The following BRD4 variants were observed in gnomAD, a reference collection of about 807,000 sequenced individuals.
The protein encoded by BRD4 is bromodomain-containing protein 4.
A neutral mutation model predicts 142.1 loss-of-function variants in BRD4; 16 were observed. The ratio of observed to expected loss-of-function variants is 0.11; its 90% CI spans 0.08 to 0.17. The LOEUF (loss-of-function observed/expected upper bound fraction) is 0.17. Among genes scored for constraint, BRD4 ranks in the 10% least tolerant of loss-of-function variants. BRD4 has a pLI of 1.00. For missense variants in BRD4, 1,424 were observed against 1,810.9 expected, an observed-to-expected ratio of 0.79 and a Z score of 3.88; for synonymous variants, 833 against 707.5, an observed-to-expected ratio of 1.18 and a Z score of -2.82.
chr19:15,325,052 C>T (rs2048095474), intron 1 of BRD4, among the ~76,000 whole-genome samples: 1 of 152,146 alleles, frequency 6.6e-6, no homozygotes, highest in South Asian at 2.1e-4. Flanking sequence ...TCTACTCTGA[C>T]CCCTGGCTTC....
chr19:15,238,153 C>T lies in BRD4; in HGVS notation c.*224G>A, dbSNP rs1276561693. 1 of 636,518 alleles carries T rather than the reference C, an allele frequency of 1.6e-6. No homozygotes were observed. Among genetic ancestry groups the T allele is most frequent in the Admixed American group, 3.1e-5 (1 of 32,170 alleles). The allele number at this position is 636,518 out of a possible 1,614,324, so 39.4% of individuals were successfully genotyped here. A position where few individuals can be genotyped will look rare whatever the true frequency, so the allele number is the denominator to read the frequency against. ...AACAAGGCGTGTGCTGAGCGGACGT[C>T]CTGTGAGGGGTGGTGGGTGGCGGGA... On this transcript the variant is annotated 3_prime_UTR_variant, in exon 20 of 20. Transcript: ENST00000679869. This position sits in a 1 kb window ranked among gnomAD's most constrained non-coding sequence, Gnocchi z 7.2.
chr19:15,274,784 C>T (rs2047627967), intron 1 of BRD4, among the ~76,000 whole-genome samples: 1 of 152,206 alleles, frequency 6.6e-6, no homozygotes, highest in African/African-American at 2.4e-5. Context: ...GACAAAAACT[C>T]ATGTGTGCTC....
Position 15,239,247 on chromosome 19 carries a change from G to A in BRD4, c.3594C>T (p.Asn1198=), listed in dbSNP as rs945737822. The A allele has an allele frequency of 2.5e-6, 4 of 1,613,104 alleles. No individual in the cohort carries two copies. The highest frequency in any genetic ancestry group is 2.7e-5 in the African/African-American group (2 of 74,918). The change falls in exon 18 of 20, where the codon AAC becomes AAT. Residue 1198 remains asparagine, a synonymous_variant. Transcript: ENST00000679869. This position sits in a 1 kb window ranked among gnomAD's most constrained non-coding sequence, Gnocchi z 7.4. ...VAPKKDLKIK[N]MGSWASLVQK... is the part of the protein sequence containing the mutation. ...GCACTAGGCTGGCCCAGGAGCCCAT[G>A]TTCTTGATTTTCAGGTCCTGCAGAA...
intron 13 of BRD4, 110 bp from the exon 14 acceptor site, chr19:15,243,597 C>A: frequency 1.4e-6 from 2 of 1,401,576 alleles, no homozygotes; most frequent in Non-Finnish European, 1.9e-6. Context: ...CTACTGGCCT[C>A]CCTCAAACTG....
intron 1 of BRD4, among the ~76,000 whole-genome samples, chr19:15,314,453 G>A (rs2047999567): frequency 6.6e-6 from 1 of 152,128 alleles, no homozygotes; most frequent in Non-Finnish European, 1.5e-5. Flanking sequence ...TTACTACACA[G>A]GGGCCTGGCT....
At chr19:15,296,144 C>T (rs763704162) in intron 1 of BRD4, among the ~76,000 whole-genome samples, 69 of 151,710 alleles carry the variant, frequency 4.5e-4, no homozygotes, top group Non-Finnish European at 7.7e-4. Context: ...GTCCCAGCTA[C>T]TCAGGAGGCT....
chr19:15,269,078 G>A (rs2047561343), intron 2 of BRD4, 36 bp from the exon 3 acceptor site: 2 of 1,610,760 alleles, frequency 1.2e-6, no homozygotes, highest in Non-Finnish European at 1.7e-6. Flanking sequence ...GTGTCACCTA[G>A]GCAGCCAGGC....
At position 15,297,297 on chromosome 19, in the gene BRD4, G is replaced by A. The variant is rs529857856; in HGVS notation, c.-34-24164C>T. The stretch of plus-strand genomic sequence containing the variant: ...CGTTGACCAGGCTGCACAGACTGCA[G>A]AGCCTTCCAAGCTGCTCCTTCTGCA... On this transcript the variant is annotated intron_variant, in intron 1 of 19. Transcript: ENST00000679869. Among the ~76,000 whole-genome samples the A allele has an allele frequency of 3.0e-4, 45 of 152,284 alleles. No individual in the cohort carries two copies. The East Asian group carries it at 7.7e-3, about 26-fold the overall frequency.
intron 1 of BRD4, among the ~76,000 whole-genome samples, chr19:15,288,737 T>C (rs2047759064): frequency 6.6e-6 from 1 of 152,206 alleles, no homozygotes; most frequent in Non-Finnish European, 1.5e-5. Flanking sequence ...CACTAAGCCG[T>C]GGCGGGTGCC....
intron 7 of BRD4, among the ~76,000 whole-genome samples, chr19:15,257,590 G>C (rs974186474): frequency 2.6e-5 from 4 of 152,134 alleles, no homozygotes; most frequent in African/African-American, 4.8e-5. Flanking sequence ...TCTGTGGTTT[G>C]AGAGGGCATT....
At chr19:15,248,890 G>A in intron 11 of BRD4, 1 of 339,534 alleles carries the variant, frequency 2.9e-6, no homozygotes, top group East Asian at 4.6e-5. Context: ...AGAGGGATGG[G>A]ACAAAGAGAG....
chr19:15,243,508 G>C, intron 13 of BRD4, 21 bp from the exon 14 acceptor site: 1 of 1,538,338 alleles, frequency 6.5e-7, no homozygotes. Context: ...ACAACACCGA[G>C]GCGGTGAGGC....
chr19:15,321,395 G>A (rs1315154342), intron 1 of BRD4, among the ~76,000 whole-genome samples: 1 of 151,356 alleles, frequency 6.6e-6, no homozygotes, highest in Non-Finnish European at 1.5e-5. Context: ...TACCACTTGG[G>A]TTGAGGGAAT....
At chr19:15,298,368 T>C (rs2047840405) in intron 1 of BRD4, among the ~76,000 whole-genome samples, 1 of 152,152 alleles carries the variant, frequency 6.6e-6, no homozygotes, top group African/African-American at 2.4e-5. Context: ...CCGGGCACGG[T>C]GGCTCACGCC....
chr19:15,293,366 T>C (rs1205122776), intron 1 of BRD4, among the ~76,000 whole-genome samples: 1 of 152,070 alleles, frequency 6.6e-6, no homozygotes, highest in Non-Finnish European at 1.5e-5. Flanking sequence ...TTATCTCAGT[T>C]CCCAGGACAC....
At chr19:15,315,759 G>C (rs1381677691) in intron 1 of BRD4, among the ~76,000 whole-genome samples, 2 of 151,920 alleles carry the variant, frequency 1.3e-5, no homozygotes, top group Admixed American at 1.3e-4. Flanking sequence ...GGGAGGCTGA[G>C]GCATGAGAAT....
At position 15,243,201 on chromosome 19, in the gene BRD4, G is replaced by A. The variant is rs1435224480; in HGVS notation, c.2868C>T (p.Pro956=). The change falls in exon 14 of 20, where the codon CCC becomes CCT. Residue 956 remains proline, a synonymous_variant. Coordinates refer to ENST00000679869, the MANE Select transcript of BRD4 (RefSeq NM_001379291.1). ...PSVKVQSQPP[P]PLPPPPHPSV... is the part of the protein sequence containing the mutation. ...AGGGGTGGGGTGGGGGCGGCAGGGG[G>A]GGTGGGGGCTGGGACTGCACCTTCA... 6.9e-6 allele frequency: 8 copies of A among 1,159,086 alleles called. No homozygotes were observed. The highest frequency in any genetic ancestry group is 9.3e-6 in the Non-Finnish European group (8 of 856,844). The allele number at this position is 1,159,086 out of a possible 1,614,324, so 71.8% of individuals were successfully genotyped here.
chr19:15,328,784 T>G (rs754378654), intron 1 of BRD4, among the ~76,000 whole-genome samples: 1 of 152,184 alleles, frequency 6.6e-6, no homozygotes, highest in African/African-American at 2.4e-5. Context: ...GTTTTGTTTT[T>G]TGTTTTGGGA....
Position 15,239,645 on chromosome 19 carries a change from G to A in BRD4, c.3445+14C>T. On this transcript the variant is annotated intron_variant, in intron 16 of 19. Coordinates refer to ENST00000679869, the MANE Select transcript of BRD4 (RefSeq NM_001379291.1). The surrounding 1 kb of genome is among the most constrained non-coding windows in gnomAD (Gnocchi z 7.4). ...GGGGCCTGAGCCCTGGCTGTGGGCAGGGAGAGCACTCACGCTGGGGCAGGT... is the reference window on the plus strand; with the variant it reads ...GGGGCCTGAGCCCTGGCTGTGGGCAAGGAGAGCACTCACGCTGGGGCAGGT... 6.4e-7 allele frequency: 1 copy of A among 1,568,670 alleles called. No homozygotes were observed. Among genetic ancestry groups the A allele is most frequent in the Non-Finnish European group, 8.6e-7 (1 of 1,166,682 alleles).
Sources: allele counts gnomAD v4.1 joint callset (sites outside exome capture counted in the v4.1 genomes callset), GRCh38; gene constraint gnomAD v4.1.1; non-coding constraint Gnocchi (gnomAD v3.1); transcripts MANE v1.5; gene names NCBI Gene and HGNC (gene_info 2026-07-23, HGNC 2026-07-21).